The following CLPTM1L variants were observed in gnomAD, a reference collection of about 807,000 sequenced individuals.
CLPTM1L encodes the protein CLPTM1 like.
Under a neutral mutation model 70.9 loss-of-function variants are expected in CLPTM1L, and 38 were observed. That is an observed-to-expected ratio of 0.54 (90% CI 0.41 to 0.70). The LOEUF (loss-of-function observed/expected upper bound fraction) is 0.70. Ranked by LOEUF, CLPTM1L falls within the 30% of genes least tolerant of loss-of-function variation. The pLI is 0.00. For synonymous variants in CLPTM1L, 339 were observed against 299.9 expected, an observed-to-expected ratio of 1.13 and a Z score of -1.35; for missense variants, 652 against 705.9, an observed-to-expected ratio of 0.92 and a Z score of 0.87.
chr5:1,334,247 C>A (rs756447636), intron 7 of CLPTM1L, 42 bp downstream of exon 7: 1 of 1,482,358 alleles, frequency 6.7e-7, no homozygotes. Context: ...GCCCAGGGAG[C>A]CCCCCAAGTG....
At chr5:1,344,492 C>G (rs1218800059) in intron 1 of CLPTM1L, 41 bp from the exon 2 acceptor site, 1 of 1,568,842 alleles carries the variant, frequency 6.4e-7, no homozygotes, top group Non-Finnish European at 8.8e-7. Flanking sequence ...CGGCCAGGCC[C>G]TGGCAGGACG....
chr5:1,319,515 G>T (rs1439980842), intron 16 of CLPTM1L, among the ~76,000 whole-genome samples: 1 of 152,254 alleles, frequency 6.6e-6, no homozygotes, highest in Non-Finnish European at 1.5e-5. Context: ...CACCTGGCGA[G>T]GTTGAGTGTG....
At chr5:1,340,095 T>C (rs916750067) in intron 3 of CLPTM1L, among the ~76,000 whole-genome samples, 5 of 152,174 alleles carry the variant, frequency 3.3e-5, no homozygotes, top group Non-Finnish European at 5.9e-5. Context: ...CATCCTTATC[T>C]CCACGGAAGC....
intron 6 of CLPTM1L, 71 bp downstream of exon 6, chr5:1,334,986 G>A: frequency 8.4e-7 from 1 of 1,185,474 alleles, no homozygotes; most frequent in South Asian, 1.2e-5. Flanking sequence ...GCCTGTGTCA[G>A]GATTCGCACT....
intron 7 of CLPTM1L, 138 bp from the exon 8 acceptor site, chr5:1,332,021 C>T (rs1235697126): frequency 1.4e-5 from 10 of 718,232 alleles, no homozygotes; most frequent in Non-Finnish European, 1.2e-5. Flanking sequence ...AGTGTCTACA[C>T]TCGGGACCCA....
chr5:1,336,890 G>C (rs920593453), intron 5 of CLPTM1L, among the ~76,000 whole-genome samples: 7 of 152,206 alleles, frequency 4.6e-5, no homozygotes, highest in Admixed American at 3.9e-4. Context: ...GGAGGCAGCA[G>C]GGCCTGGGCA....
chr5:1,335,479 T>A (rs1389175952), intron 5 of CLPTM1L, among the ~76,000 whole-genome samples: 1 of 152,192 alleles, frequency 6.6e-6, no homozygotes, highest in Non-Finnish European at 1.5e-5. Context: ...CAAGTCCTGG[T>A]GCCCCGGAGG....
At chr5:1,327,833 C>G (rs1168260993) in intron 9 of CLPTM1L, among the ~76,000 whole-genome samples, 352 of 141,936 alleles carry the variant, frequency 2.5e-3, no homozygotes, top group Non-Finnish European at 3.5e-3. Flanking sequence ...CCTCTACAGA[C>G]ACATTCCATC....
chr5:1,341,800 G>C lies in CLPTM1L; in HGVS notation c.324C>G (p.Ile108Met). 2 of 1,614,134 alleles carry C rather than the reference G, an allele frequency of 1.2e-6. No individual in the cohort carries two copies. Among genetic ancestry groups the C allele is most frequent in the Non-Finnish European group, 1.7e-6 (2 of 1,180,004 alleles). ...GCAGGACCCCAGCGTGATGGAGGAA[G>C]ATGTAGGCATACAGCGTCCCATTGT... ...TRNNGTLYAY[I>M]FLHHAGVLPW... Residue 108 changes from isoleucine (I) to methionine (M), a missense_variant, in exon 3 of 17, where the codon ATC becomes ATG. Physicochemically the swap from Ile to Met is conservative, Grantham distance 10. This residue lies in a region of CLPTM1L where 402 missense variants were observed against 388.2 expected (regional missense o/e 1.04). Transcript: ENST00000320895.
rs1446626095 is a variant in CLPTM1L at position 1,333,891 on chromosome 5, G to T, written c.891+398C>A. ...AATTTATACAAGAGAACTACTTTCT[G>T]CTAGAGGCTGCCCAGCTCCGCCCCT... On this transcript the variant is annotated intron_variant, in intron 7 of 16. Coordinates refer to ENST00000320895, the MANE Select transcript of CLPTM1L (RefSeq NM_030782.5). Among the ~76,000 whole-genome samples, 3 of 152,210 alleles carry T rather than the reference G, an allele frequency of 2.0e-5. No homozygotes were observed. The South Asian group carries it at 6.2e-4, about 32-fold the overall frequency.
Position 1,335,138 on chromosome 5 carries a change from C to T in CLPTM1L, c.715G>A (p.Val239Met), listed in dbSNP as rs750253978. ...NRSTTELPLT[V>M]SYDKVSLGRL... ...CCCAGTGAGACCTTGTCGTAGGACA[C>T]GGTGAGGGGCAGCTCGGTGGTGGAG... The change falls in exon 6 of 17, where the codon GTG (valine) becomes ATG (methionine). Residue 239 changes from valine (V) to methionine (M), a missense_variant. Around this residue, in one of 3 missense-constraint regions of CLPTM1L, gnomAD observed 402 missense variants for 388.2 expected, o/e 1.04. Coordinates refer to ENST00000320895, the MANE Select transcript of CLPTM1L (RefSeq NM_030782.5). The T allele has an allele frequency of 4.3e-6, 7 of 1,613,690 alleles. No individual in the cohort carries two copies. The highest frequency in any genetic ancestry group is 4.5e-5 in the East Asian group (2 of 44,882).
rs1160119346 is a variant in CLPTM1L at position 1,325,765 on chromosome 5, T to A, written c.1132A>T (p.Met378Leu). 1 of 1,613,854 alleles carries A rather than the reference T, an allele frequency of 6.2e-7. No homozygotes were observed. The highest frequency in any genetic ancestry group is 1.3e-5 in the African/African-American group (1 of 75,048). The change falls in exon 10 of 17, where the codon ATG becomes TTG. Residue 378 changes from methionine to leucine, a missense_variant. Transcript: ENST00000320895. Reference protein sequence around the residue: ...LKMTIFWRGLMPEFQFGTYSE... With the variant: ...LKMTIFWRGLLPEFQFGTYSE... ...CTAAATCCTACCTGAAATTCGGGCA[T>A]CAGGCCTCTCCAAAAAATAGTCATC...
chr5:1,344,316 T>C (rs1283044897), intron 2 of CLPTM1L, 35 bp downstream of exon 2: 3 of 1,372,492 alleles, frequency 2.2e-6, no homozygotes, highest in Admixed American at 1.7e-5. Flanking sequence ...GAGTAATGTT[T>C]TCCCTTTCAC....
At position 1,344,384 on chromosome 5, in the gene CLPTM1L, A is replaced by G; in HGVS notation, c.230T>C (p.Val77Ala). ...AENNIDLVLN[V>A]EDFDVESKFE... Reference sequence around the variant, plus strand: ...TTTGGACTCCACATCAAAGTCTTCCACATTCAAGACCAGGTCGATGTTGTT... The same window carrying G: ...TTTGGACTCCACATCAAAGTCTTCCGCATTCAAGACCAGGTCGATGTTGTT... Residue 77 changes from valine (V) to alanine (A), a missense_variant, in exon 2 of 17, where the codon GTG becomes GCG. Around this residue, in one of 3 missense-constraint regions of CLPTM1L, gnomAD observed 402 missense variants for 388.2 expected, o/e 1.04. Transcript: ENST00000320895. 4.3e-6 allele frequency: 7 copies of G among 1,613,886 alleles called. No individual in the cohort carries two copies. The highest frequency in any genetic ancestry group is 4.2e-6 in the Non-Finnish European group (5 of 1,179,950).
At chr5:1,321,864 T>A (rs1752176998) in intron 13 of CLPTM1L, 45 bp from the exon 14 acceptor site, 2 of 1,573,942 alleles carry the variant, frequency 1.3e-6, no homozygotes, top group East Asian at 4.6e-5. Flanking sequence ...AGGGCCGGGC[T>A]GCCACATCTA....
chr5:1,329,455 T>C (rs1035269589), intron 9 of CLPTM1L, among the ~76,000 whole-genome samples: 12 of 148,370 alleles, frequency 8.1e-5, no homozygotes, highest in South Asian at 6.4e-4. Context: ...GACTCACCAC[T>C]GCTTGGTGGA....
chr5:1,325,341 G>A (rs1328868728), intron 10 of CLPTM1L: 1 of 252,794 alleles, frequency 4.0e-6, no homozygotes, highest in African/African-American at 2.2e-5. Context: ...GGGCCTTATG[G>A]GCGCCCAGGC....
intron 9 of CLPTM1L, among the ~76,000 whole-genome samples, chr5:1,329,269 G>C (rs1336345864): frequency 6.6e-6 from 1 of 152,268 alleles, no homozygotes; most frequent in African/African-American, 2.4e-5. Flanking sequence ...GGCACCGAGT[G>C]ATTTCCGTCA....
At chr5:1,334,241 A>T in intron 7 of CLPTM1L, 48 bp downstream of exon 7, 1 of 1,424,872 alleles carries the variant, frequency 7.0e-7, no homozygotes, top group Non-Finnish European at 9.9e-7. Context: ...CCCGGGGCCC[A>T]GGGAGCCCCC....
Sources: allele counts gnomAD v4.1 joint callset (sites outside exome capture counted in the v4.1 genomes callset), GRCh38; gene constraint gnomAD v4.1.1; regional missense constraint gnomAD v4.1.1; transcripts MANE v1.5; gene names NCBI Gene and HGNC (gene_info 2026-07-23, HGNC 2026-07-21).